The following IL3RA variants were observed in gnomAD, a reference collection of about 807,000 sequenced individuals.
The protein encoded by IL3RA is interleukin 3 receptor subunit alpha, also known as interleukin-3 receptor subunit alpha.
A neutral mutation model predicts 52.3 loss-of-function variants in IL3RA; 73 were observed. The ratio of observed to expected loss-of-function variants is 1.40; its 90% confidence interval spans 1.16 to 1.70. IL3RA has a LOEUF of 1.70. IL3RA is among the 40% of genes most tolerant of loss of function. The pLI, the probability that IL3RA is intolerant of heterozygous loss-of-function variation, is 0.00. For synonymous variants in IL3RA, 260 were observed against 194.0 expected (o/e 1.34, Z -2.83); for missense variants, 664 against 504.4 (o/e 1.32, Z -3.03).
intron 8 of IL3RA, among the ~76,000 whole-genome samples, chrX:1,359,471 C>G (rs1603446177): frequency 6.6e-6 from 1 of 151,876 alleles, no homozygotes; most frequent in Admixed American, 6.6e-5. Context: ...CTTTCTCCCT[C>G]CCTCTCTTTC....
intron 1 of IL3RA, among the ~76,000 whole-genome samples, chrX:1,339,827 A>G (rs1490873307): frequency 6.6e-6 from 1 of 151,908 alleles, no homozygotes; most frequent in African/African-American, 2.4e-5. Context: ...AAAAAACCAG[A>G]AAAGACAGCT....
At chrX:1,360,196 T>C (rs1465633736) in intron 8 of IL3RA, among the ~76,000 whole-genome samples, 1 of 141,832 alleles carries the variant, frequency 7.1e-6, no homozygotes, top group African/African-American at 2.7e-5. Flanking sequence ...TCTCCCGGTC[T>C]CTATTTCCTC....
Position 1,373,862 on chromosome X carries a change from C to T in IL3RA, c.875-4797C>T, listed in dbSNP as rs1315497189. Among the ~76,000 whole-genome samples the T allele has an allele frequency of 2.7e-5, 2 of 73,314 alleles. 1 individual carries two copies. The highest frequency in any genetic ancestry group is 1.1e-3 in the South Asian group (2 of 1,768). 48.1% of individuals were successfully genotyped at this position (73,314 alleles called of 152,430 possible). On this transcript the variant is annotated intron_variant, in intron 9 of 11. Transcript: ENST00000331035. ...GGACACAGGGAGAAGACGGCATCTC[C>T]AAGCCCAGGAGAGAGGCCTCAGGAG...
chrX:1,337,934 C>A (rs1269673554), intron 1 of IL3RA, among the ~76,000 whole-genome samples: 2 of 147,310 alleles, frequency 1.4e-5, no homozygotes, highest in Non-Finnish European at 3.0e-5. Flanking sequence ...GAATATTATA[C>A]AGCCATGAAA....
At chrX:1,377,555 T>A (rs2088858702) in intron 9 of IL3RA, among the ~76,000 whole-genome samples, 1 of 151,074 alleles carries the variant, frequency 6.6e-6, no homozygotes, top group Non-Finnish European at 1.5e-5. Flanking sequence ...ATTCCTTTTT[T>A]CTGAAGCCAC....
intron 9 of IL3RA, among the ~76,000 whole-genome samples, chrX:1,368,731 CA>C (rs1233166119): frequency 2.7e-5 from 4 of 150,384 alleles, no homozygotes; most frequent in African/African-American, 9.8e-5. Flanking sequence ...ACGGCGTCTC[CA>C]AGCCCAGGAG....
chrX:1,348,691 T>TTTCTTTCC (rs2085920532), intron 4 of IL3RA, 146 bp downstream of exon 4: 2 of 212,982 alleles, frequency 9.4e-6, no homozygotes, highest in Admixed American at 1.7e-4. Context: ...TCTTTCTTTC[T>TTTCTTTCC]TTTTCTTTCT....
intron 3 of IL3RA, among the ~76,000 whole-genome samples, chrX:1,347,622 C>G (rs1244842774): frequency 6.7e-6 from 1 of 150,204 alleles, no homozygotes; most frequent in Admixed American, 6.6e-5. Context: ...CCTGTCTTAA[C>G]AAAAAAACAA....
chrX:1,352,434 A>G lies in IL3RA; in HGVS notation c.544A>G (p.Ile182Val). 3.1e-6 allele frequency: 5 copies of G among 1,613,862 alleles called. No individual in the cohort carries two copies. The highest frequency in any genetic ancestry group is 4.2e-6 in the Non-Finnish European group (5 of 1,179,854). ...RLSSGSQSSH[I>V]LVRGRSAAFG... The stretch of plus-strand genomic sequence containing the variant: ...CTCCAGCGGTTCTCAAAGTTCCCAC[A>G]TCCTGGTGCGGGGCAGGAGCGCAGC... The change falls in exon 6 of 12, where the codon ATC (isoleucine) becomes GTC (valine). Residue 182 changes from isoleucine (I) to valine (V), a missense_variant. Transcript: ENST00000331035.
intron 4 of IL3RA, 38 bp downstream of exon 4, chrX:1,348,583 C>A (rs1223782378): frequency 6.9e-7 from 1 of 1,449,804 alleles, no homozygotes; most frequent in East Asian, 2.3e-5. Flanking sequence ...TTCTCTATTC[C>A]CTCCCTCCTT....
rs1451795327 is a variant in IL3RA at position 1,381,134 on chromosome X, T to C, written c.1062+30T>C. ...GTTGTTTTTTCTGCCTTGGGACGGG[T>C]CTGGAGGCGTGGTGGCCACTTTGGG... On this transcript the variant is annotated intron_variant, in intron 11 of 11. Transcript: ENST00000331035. 1.9e-6 allele frequency: 3 copies of C among 1,608,362 alleles called. No individual in the cohort carries two copies. The African/African-American group carries it at 4.0e-5, about 22-fold the overall frequency.
At chrX:1,350,044 T>A (rs1274429989) in intron 4 of IL3RA, among the ~76,000 whole-genome samples, 1 of 152,172 alleles carries the variant, frequency 6.6e-6, no homozygotes, top group Non-Finnish European at 1.5e-5. Context: ...CACACAGTGA[T>A]TTCATTAATA....
intron 2 of IL3RA, among the ~76,000 whole-genome samples, chrX:1,344,522 C>G (rs768930694): frequency 6.6e-6 from 1 of 151,780 alleles, no homozygotes; most frequent in East Asian, 1.9e-4. Context: ...TGCTTGTAAT[C>G]CCAGCACTTT....
intron 1 of IL3RA, among the ~76,000 whole-genome samples, chrX:1,340,119 T>TCTTTTC (rs1331048416): frequency 7.3e-6 from 1 of 137,282 alleles, no homozygotes; most frequent in African/African-American, 2.8e-5. Context: ...TCTTTTCTTT[T>TCTTTTC]TTTTTTTTTT....
At chrX:1,377,107 G>T (rs1173314224) in intron 9 of IL3RA, among the ~76,000 whole-genome samples, 2 of 151,748 alleles carry the variant, frequency 1.3e-5, no homozygotes, top group Non-Finnish European at 2.9e-5. Context: ...GTGGGACACG[G>T]AGAAGACGGG....
chrX:1,342,882 C>G (rs2085545707), intron 2 of IL3RA, among the ~76,000 whole-genome samples: 1 of 151,166 alleles, frequency 6.6e-6, no homozygotes, highest in African/African-American at 2.4e-5. Flanking sequence ...CGTGACCAGC[C>G]TGACTAACAC....
At chrX:1,341,116 A>T (rs28651701) in intron 1 of IL3RA, among the ~76,000 whole-genome samples, 138,828 of 150,412 alleles carry the variant, frequency 0.92, 64,631 homozygotes, top group Non-Finnish European at 0.99. Context: ...AAACTCTGTC[A>T]CAAAAAATAA....
intron 2 of IL3RA, among the ~76,000 whole-genome samples, chrX:1,343,851 A>G (rs2085602363): frequency 2.1e-5 from 3 of 143,610 alleles, no homozygotes; most frequent in South Asian, 2.2e-4. Flanking sequence ...GCTGGAGTGC[A>G]GTGGCACGAT....
chrX:1,361,711 C>T (rs1348263095), intron 8 of IL3RA, among the ~76,000 whole-genome samples: 2 of 148,120 alleles, frequency 1.4e-5, no homozygotes, highest in East Asian at 2.0e-4. Flanking sequence ...TGAGATCGCG[C>T]CACTGCACTC....
Sources: gnomAD v4.1 joint callset for allele counts (sites outside exome capture counted in the v4.1 genomes callset) on GRCh38, gnomAD v4.1.1 for gene constraint, MANE v1.5 for transcripts, NCBI Gene and HGNC (gene_info 2026-07-23, HGNC 2026-07-21) for gene names.